The following MAPRE1 variants were observed in gnomAD, a reference collection of about 807,000 sequenced individuals.
MAPRE1 encodes microtubule associated protein RP/EB family member 1.
MAPRE1 carries 5 observed loss-of-function variants against 32.1 expected under a neutral mutation model. That is an observed-to-expected ratio of 0.16 (90% confidence interval 0.08 to 0.33). The LOEUF (loss-of-function observed/expected upper bound fraction) is 0.33, where lower values mean the gene tolerates loss of function less well. MAPRE1 is among the 10% of genes least tolerant of loss of function. The probability of loss-of-function intolerance (pLI) is 1.00; values close to 1 mark genes in which losing one functional copy is unlikely to be tolerated. For missense variants in MAPRE1, 209 were observed against 327.2 expected (o/e 0.64, Z 2.79); for synonymous variants, 122 against 118.9 (o/e 1.03, Z -0.17).
At chr20:32,821,970 T>A (rs1173680550) in intron 1 of MAPRE1, among the ~76,000 whole-genome samples, 1 of 152,118 alleles carries the variant, frequency 6.6e-6, no homozygotes, top group East Asian at 1.9e-4. Context: ...AAGGGTGAGC[T>A]GGAGCTCTGT....
At chr20:32,833,459 A>G (rs1215065396) in intron 2 of MAPRE1, among the ~76,000 whole-genome samples, 1 of 152,154 alleles carries the variant, frequency 6.6e-6, no homozygotes, top group Non-Finnish European at 1.5e-5. Flanking sequence ...AAAGAACAGG[A>G]GTTTTAAAAT....
At chr20:32,844,642 G>A (rs1194681171) in intron 5 of MAPRE1, among the ~76,000 whole-genome samples, 1 of 151,602 alleles carries the variant, frequency 6.6e-6, no homozygotes, top group African/African-American at 2.4e-5. Flanking sequence ...TTGATCTCTT[G>A]ACCTCGTGAT....
intron 1 of MAPRE1, among the ~76,000 whole-genome samples, chr20:32,824,887 C>G (rs923188207): frequency 6.6e-5 from 10 of 151,594 alleles, no homozygotes; most frequent in African/African-American, 2.4e-4. Flanking sequence ...CGTGGTGGCT[C>G]ACGCCTGTAA....
rs933553523 is a variant in MAPRE1, at chr20:32,850,350, C to T, written c.*1622C>T. 1 of 152,462 alleles carries T rather than the reference C, an allele frequency of 6.6e-6. No homozygotes were observed. The highest frequency in any genetic ancestry group is 1.5e-5 in the Non-Finnish European group (1 of 68,008). 9.4% of individuals were successfully genotyped at this position (152,462 alleles called of 1,614,324 possible). A position where few individuals can be genotyped will look rare whatever the true frequency, so the allele number is the denominator to read the frequency against. On this transcript the variant is annotated 3_prime_UTR_variant, in exon 7 of 7. Coordinates refer to ENST00000375571, the MANE Select transcript of MAPRE1 (RefSeq NM_012325.3). ...CCATTTTCCACCTGGTCTTTCTTGA[C>T]AGGGTTTTTTTCTACTTTAAACAGT...
intron 6 of MAPRE1, 126 bp from the exon 7 acceptor site, chr20:32,848,543 TAGC>T: frequency 3.7e-6 from 2 of 535,754 alleles, no homozygotes; most frequent in Non-Finnish European, 6.5e-6. Context: ...AGAAATAAAA[TAGC>T]AGTCACCTGG....
Position 32,848,890 on chromosome 20 carries a change from C to G in MAPRE1, c.*162C>G. On this transcript the variant is annotated 3_prime_UTR_variant, in exon 7 of 7. Transcript: ENST00000375571. ...ACTTTGCAGACGTTTCACTCCTTTT[C>G]CAATAAGTTTGAGTTAGGAGCTTTT... 1.8e-6 allele frequency: 1 copy of G among 548,758 alleles called. No homozygotes were observed. The highest frequency in any genetic ancestry group is 3.6e-5 in the Admixed American group (1 of 28,066). The allele number at this position is 548,758 out of a possible 1,614,324, so 34.0% of individuals were successfully genotyped here. A position where few individuals can be genotyped will look rare whatever the true frequency, so the allele number is the denominator to read the frequency against.
intron 3 of MAPRE1, among the ~76,000 whole-genome samples, chr20:32,834,112 A>G (rs1263521502): frequency 6.6e-6 from 1 of 152,182 alleles, no homozygotes; most frequent in Non-Finnish European, 1.5e-5. Context: ...GTAAATTTGT[A>G]CAGTGATTTT....
chr20:32,832,010 C>A (rs1983043438), intron 2 of MAPRE1, among the ~76,000 whole-genome samples: 1 of 149,934 alleles, frequency 6.7e-6, no homozygotes, highest in South Asian at 2.1e-4. Context: ...GTAAATAAAT[C>A]AGTCACCTCA....
At position 32,849,542 on chromosome 20, in the gene MAPRE1, A is replaced by C. The variant is rs770824502; in HGVS notation, c.*814A>C. On this transcript the variant is annotated 3_prime_UTR_variant, in exon 7 of 7. Transcript: ENST00000375571. Reference sequence around the variant, plus strand: ...GGTGTGCCCAGTTTTTTAATCTAACAACTACTTTTGGGGACTTGCCCACAT... The same window carrying C: ...GGTGTGCCCAGTTTTTTAATCTAACCACTACTTTTGGGGACTTGCCCACAT... 1 of 152,440 alleles carries C rather than the reference A, an allele frequency of 6.6e-6. No individual in the cohort carries two copies. The highest frequency in any genetic ancestry group is 1.5e-5 in the Non-Finnish European group (1 of 68,022). 9.4% of individuals were successfully genotyped at this position (152,440 alleles called of 1,614,324 possible).
rs534118233 is a variant in MAPRE1, at chr20:32,834,635, T to A, written c.267+773T>A. Among the ~76,000 whole-genome samples the A allele has an allele frequency of 1.1e-3, 170 of 152,252 alleles. 1 individual carries two copies. The South Asian group carries it at 0.02, about 18-fold the overall frequency. ...TTATTTTGAAATCAGGGTTTTTTTTTAATTTTAGTTTTGTCTCTACAATAT... is the reference window on the plus strand; with the variant it reads ...TTATTTTGAAATCAGGGTTTTTTTTAAATTTTAGTTTTGTCTCTACAATAT... On this transcript the variant is annotated intron_variant, in intron 3 of 6. Coordinates refer to ENST00000375571, the MANE Select transcript of MAPRE1 (RefSeq NM_012325.3).
At position 32,849,915 on chromosome 20, in the gene MAPRE1, C is replaced by G. The variant is rs1378445982; in HGVS notation, c.*1187C>G. ...TAGTGTGTTACTAAATGTTAATTTT[C>G]TTTTGCGGAAAATACAGTACCGTGT... is the stretch of plus-strand genomic sequence containing the variant. On this transcript the variant is annotated 3_prime_UTR_variant, in exon 7 of 7. Coordinates refer to ENST00000375571, the MANE Select transcript of MAPRE1 (RefSeq NM_012325.3). 1 of 152,588 alleles carries G rather than the reference C, an allele frequency of 6.6e-6. No individual in the cohort carries two copies. The highest frequency in any genetic ancestry group is 1.5e-5 in the Non-Finnish European group (1 of 68,018). The allele number at this position is 152,588 out of a possible 1,614,324, so 9.5% of individuals were successfully genotyped here. A position where few individuals can be genotyped will look rare whatever the true frequency, so the allele number is the denominator to read the frequency against.
Position 32,850,394 on chromosome 20 carries a change from A to G in MAPRE1, c.*1666A>G, listed in dbSNP as rs1983611913. 6.6e-6 allele frequency: 1 copy of G among 152,398 alleles called. No homozygotes were observed. Among genetic ancestry groups the G allele is most frequent in the Non-Finnish European group, 1.5e-5 (1 of 68,012 alleles). 9.4% of individuals were successfully genotyped at this position (152,398 alleles called of 1,614,324 possible). A position where few individuals can be genotyped will look rare whatever the true frequency, so the allele number is the denominator to read the frequency against. ...AAACAGTTTCTAAATAAAATTCTGT[A>G]TTTCAAGAGTATCATGTCTTCTGAA... On this transcript the variant is annotated 3_prime_UTR_variant, in exon 7 of 7. Coordinates refer to ENST00000375571, the MANE Select transcript of MAPRE1 (RefSeq NM_012325.3).
At chr20:32,822,272 C>G (rs1006843130) in intron 1 of MAPRE1, among the ~76,000 whole-genome samples, 1 of 152,110 alleles carries the variant, frequency 6.6e-6, no homozygotes, top group Non-Finnish European at 1.5e-5. Context: ...TAATAGATTA[C>G]AATTGCTCAG....
At chr20:32,842,605 G>C (rs1983395465) in intron 5 of MAPRE1, among the ~76,000 whole-genome samples, 1 of 152,210 alleles carries the variant, frequency 6.6e-6, no homozygotes, top group Non-Finnish European at 1.5e-5. Context: ...ATTTATCTAA[G>C]GTATACAGAT....
chr20:32,827,925 A>G lies in MAPRE1; in HGVS notation c.121+1877A>G, dbSNP rs374291014. On this transcript the variant is annotated intron_variant, in intron 2 of 6. Transcript: ENST00000375571. ...AAAAAAAAATTTATTGCCGTTGCTTATAGGATTTTTTCTTTTTTTTTTTTG... is the reference window on the plus strand; with the variant it reads ...AAAAAAAAATTTATTGCCGTTGCTTGTAGGATTTTTTCTTTTTTTTTTTTG... 3.4e-5 allele frequency among the ~76,000 whole-genome samples: 5 copies of G among 146,922 alleles called. No homozygotes were observed. In the South Asian group the frequency reaches 6.7e-4, roughly 20 times the overall value.
At chr20:32,842,914 T>C (rs1049557846) in intron 5 of MAPRE1, among the ~76,000 whole-genome samples, 2 of 152,170 alleles carry the variant, frequency 1.3e-5, no homozygotes, top group African/African-American at 4.8e-5. Flanking sequence ...GTCGGTGTTG[T>C]AGAACTTCAA....
intron 2 of MAPRE1, among the ~76,000 whole-genome samples, chr20:32,833,123 G>A (rs1983086443): frequency 6.6e-6 from 1 of 151,852 alleles, no homozygotes; most frequent in Non-Finnish European, 1.5e-5. Flanking sequence ...GATCACTTGA[G>A]CCTGGGAGGC....
At chr20:32,838,850 G>A (rs1037737910) in intron 4 of MAPRE1, among the ~76,000 whole-genome samples, 2 of 152,136 alleles carry the variant, frequency 1.3e-5, no homozygotes, top group South Asian at 2.1e-4. Context: ...TGGGGTGTTA[G>A]GAAGATGAGA....
chr20:32,845,629 T>G (rs1983486695), intron 5 of MAPRE1, among the ~76,000 whole-genome samples: 1 of 152,198 alleles, frequency 6.6e-6, no homozygotes, highest in Non-Finnish European at 1.5e-5. Flanking sequence ...ATAAGCTGTT[T>G]ATTTCTGTTT....
Sources: gnomAD v4.1 joint callset for allele counts (sites outside exome capture counted in the v4.1 genomes callset) on GRCh38, gnomAD v4.1.1 for gene constraint, MANE v1.5 for transcripts, NCBI Gene and HGNC (gene_info 2026-07-23, HGNC 2026-07-21) for gene names.